The following MKS1 variants were observed in gnomAD, a reference collection of about 807,000 sequenced individuals.
MKS1 encodes MKS transition zone complex subunit 1.
A neutral mutation model predicts 83.7 loss-of-function variants in MKS1; 70 were observed. The ratio of observed to expected loss-of-function variants is 0.84; its 90% CI spans 0.69 to 1.02. The LOEUF (loss-of-function observed/expected upper bound fraction) is 1.02. Ranked by LOEUF, MKS1 falls within the 50% of genes least tolerant of loss-of-function variation. MKS1 has a pLI of 0.00. For synonymous variants in MKS1, 251 were observed against 273.4 expected, an observed-to-expected ratio of 0.92 and a Z score of 0.81; for missense variants, 681 against 726.9, an observed-to-expected ratio of 0.94 and a Z score of 0.73.
At chr17:58,206,816 CT>C in intron 15 of MKS1, 1 of 626,552 alleles carries the variant, frequency 1.6e-6, no homozygotes, top group Non-Finnish European at 2.8e-6. Flanking sequence ...TTACTGAGGC[CT>C]TCAGTGATGG....
rs765242131 is a variant in MKS1 at position 58,210,729 on chromosome 17, G to A, written c.959-5C>T. ...ACTCATAGCCTTGGGCTGAAACTAC[G>A]AGAGAAAACAGGAAGCTATTTTAGC... On this transcript the variant is annotated splice_region_variant and splice_polypyrimidine_tract_variant and intron_variant, in intron 10 of 17. Coordinates refer to ENST00000393119, the MANE Select transcript of MKS1 (RefSeq NM_017777.4). 12 of 1,613,872 alleles carry A rather than the reference G, an allele frequency of 7.4e-6. No homozygotes were observed. The highest frequency in any genetic ancestry group is 1.1e-5 in the South Asian group (1 of 91,080).
Position 58,219,168 on chromosome 17 carries a change from C to T in MKS1, c.63G>A (p.Val21=). 2 of 1,551,290 alleles carry T rather than the reference C, an allele frequency of 1.3e-6. No homozygotes were observed. The highest frequency in any genetic ancestry group is 1.7e-6 in the Non-Finnish European group (2 of 1,147,016). ...GCGACTACCGGAGGCGCAAGTTGCG[C>T]ACGGGGTCCCGGGAGCGATACACTG... is the stretch of plus-strand genomic sequence containing the variant. ...GEAVYRSRDP[V]RNLRLRVHLQ... Residue 21 remains valine (V), a synonymous_variant, in exon 1 of 18, where the codon GTG becomes GTA. Transcript: ENST00000393119.
At position 58,206,280 on chromosome 17, in the gene MKS1, T is replaced by C. The variant is rs540747512; in HGVS notation, c.1588+3A>G. 36 of 1,614,022 alleles carry C rather than the reference T, an allele frequency of 2.2e-5. No homozygotes were observed. Among genetic ancestry groups the C allele is most frequent in the Non-Finnish European group, 3.0e-5 (35 of 1,179,982 alleles). On this transcript the variant is annotated splice_donor_region_variant and intron_variant, in intron 17 of 17. Coordinates refer to ENST00000393119, the MANE Select transcript of MKS1 (RefSeq NM_017777.4). ...GGGTGGCCAGCTGGGGGAGGGGACA[T>C]ACCTAGCACATTGTGAATGGAACTC...
chr17:58,218,029 A>G (rs1466335192), intron 2 of MKS1, among the ~76,000 whole-genome samples: 1 of 152,240 alleles, frequency 6.6e-6, no homozygotes, highest in Non-Finnish European at 1.5e-5. Context: ...GGAAAACCAC[A>G]AGAACACAGT....
chr17:58,206,685 C>T, intron 15 of MKS1, 138 bp from the exon 16 acceptor site: 2 of 872,178 alleles, frequency 2.3e-6, no homozygotes. Context: ...ATCACCCAGA[C>T]TCTATTACCT....
At position 58,205,496 on chromosome 17, in the gene MKS1, C is replaced by T. The variant is rs1256820089; in HGVS notation, c.*583G>A. On this transcript the variant is annotated 3_prime_UTR_variant, in exon 18 of 18. Coordinates refer to ENST00000393119, the MANE Select transcript of MKS1 (RefSeq NM_017777.4). ...ACAAAAAAACAAACAAACAAAAAAA[C>T]ACAGTAAAAGATACCACCCAGCTAG... 2.4e-6 allele frequency: 3 copies of T among 1,256,664 alleles called. No individual in the cohort carries two copies. Among genetic ancestry groups the T allele is most frequent in the Non-Finnish European group, 3.1e-6 (3 of 971,014 alleles). 77.8% of individuals were successfully genotyped at this position (1,256,664 alleles called of 1,614,324 possible).
In MKS1 at chr17:58,205,505, A is replaced by G; in HGVS notation, c.*574T>C. 1 of 1,276,134 alleles carries G rather than the reference A, an allele frequency of 7.8e-7. No homozygotes were observed. The allele number at this position is 1,276,134 out of a possible 1,614,324, so 79.1% of individuals were successfully genotyped here. On this transcript the variant is annotated 3_prime_UTR_variant, in exon 18 of 18. Coordinates refer to ENST00000393119, the MANE Select transcript of MKS1 (RefSeq NM_017777.4). ...CAAACAAACAAAAAAACACAGTAAA[A>G]GATACCACCCAGCTAGCAGAAAGGA...
intron 15 of MKS1, 91 bp downstream of exon 15, chr17:58,206,994 C>T (rs1968551675): frequency 6.4e-7 from 1 of 1,568,958 alleles, no homozygotes; most frequent in East Asian, 2.2e-5. Flanking sequence ...AAGCAATGCA[C>T]AACTAAGGGG....
At chr17:58,218,477 A>AGC in intron 2 of MKS1, 143 bp downstream of exon 2, 1 of 424,798 alleles carries the variant, frequency 2.4e-6, no homozygotes, top group Middle Eastern at 7.3e-4. Context: ...AAAAAAAAAA[A>AGC]AAAGCCACAA....
intron 7 of MKS1, 109 bp from the exon 8 acceptor site, chr17:58,213,199 T>C (rs1968988529): frequency 3.0e-6 from 3 of 1,005,432 alleles, no homozygotes; most frequent in African/African-American, 1.6e-5. Context: ...CTCACTAAAG[T>C]ATATGATGAT....
intron 8 of MKS1, 25 bp downstream of exon 8, chr17:58,212,957 A>G (rs982274478): frequency 1.9e-6 from 3 of 1,607,132 alleles, no homozygotes; most frequent in African/African-American, 1.3e-5. Context: ...CATCCCTTGG[A>G]TACTTGGAAT....
chr17:58,207,364 C>T, intron 14 of MKS1, 146 bp from the exon 15 acceptor site: 1 of 1,087,968 alleles, frequency 9.2e-7, no homozygotes, highest in Non-Finnish European at 1.3e-6. Context: ...ATCATGGTTA[C>T]CCATAGCACC....
At chr17:58,211,105 G>C (rs1025575798) in intron 9 of MKS1, 83 bp from the exon 10 acceptor site, 86 of 1,432,648 alleles carry the variant, frequency 6.0e-5, no homozygotes, top group Non-Finnish European at 8.3e-5. Context: ...CAAATCTGCA[G>C]ACGACCTGCC....
chr17:58,212,420 G>C lies in MKS1; in HGVS notation c.873C>G (p.His291Gln), dbSNP rs1968929550. ...CTACGAGGCTGCTGAGATACTCCTT[G>C]TGCCGGCCATAAAGCTGAGGAAACA... ...RRVFKDLYGR[H>Q]KEYLSSLVGT... Residue 291 changes from histidine (H) to glutamine (Q), a missense_variant, in exon 9 of 18, where the codon CAC (histidine) becomes CAG (glutamine). Physicochemically the swap from His to Gln is conservative, Grantham distance 24. Transcript: ENST00000393119. 6.2e-7 allele frequency: 1 copy of C among 1,614,034 alleles called. No individual in the cohort carries two copies. The highest frequency in any genetic ancestry group is 1.3e-5 in the African/African-American group (1 of 74,924).
In MKS1 at chr17:58,206,312, C is replaced by T. The variant is rs1423720161; in HGVS notation, c.1559G>A (p.Ser520Asn). The T allele has an allele frequency of 5.0e-6, 8 of 1,614,144 alleles. No individual in the cohort carries two copies. Among genetic ancestry groups the T allele is most frequent in the Non-Finnish European group, 6.8e-6 (8 of 1,180,028 alleles). Residue 520 changes from serine to asparagine, a missense_variant, in exon 17 of 18, where the codon AGC becomes AAC. Ser to Asn is a conservative substitution (Grantham distance 46). Around this residue, in one of 3 missense-constraint regions of MKS1, gnomAD observed 310 missense variants for 321.7 expected, o/e 0.96. Coordinates refer to ENST00000393119, the MANE Select transcript of MKS1 (RefSeq NM_017777.4). ...CACATTGTGAATGGAACTCTGCTGGCTGAACCCTTCCAGACGGTCCAACAC... is the reference window on the plus strand; with the variant it reads ...CACATTGTGAATGGAACTCTGCTGGTTGAACCCTTCCAGACGGTCCAACAC... ...RSVLDRLEGF[S>N]QQSSIHNVLE...
intron 7 of MKS1, among the ~76,000 whole-genome samples, 196 bp from the exon 8 acceptor site, chr17:58,213,286 G>C (rs1403181843): frequency 6.6e-6 from 1 of 152,212 alleles, no homozygotes. Context: ...GACTCAGAAA[G>C]TATAGGTTCT....
At chr17:58,207,697 C>G (rs1006803255) in intron 14 of MKS1, 197 bp downstream of exon 14, 1 of 658,042 alleles carries the variant, frequency 1.5e-6, no homozygotes, top group Admixed American at 2.1e-5. Context: ...GAGAGACTGT[C>G]AGGAAGTCAG....
In MKS1 at chr17:58,205,518, C is replaced by T. The variant is rs1026928160; in HGVS notation, c.*561G>A. The T allele has an allele frequency of 9.3e-6, 12 of 1,290,008 alleles. No homozygotes were observed. In the Admixed American group the frequency reaches 3.0e-4, roughly 32 times the overall value. 79.9% of individuals were successfully genotyped at this position (1,290,008 alleles called of 1,614,324 possible). On this transcript the variant is annotated 3_prime_UTR_variant, in exon 18 of 18. Coordinates refer to ENST00000393119, the MANE Select transcript of MKS1 (RefSeq NM_017777.4). ...AAACACAGTAAAAGATACCACCCAG[C>T]TAGCAGAAAGGACTCAGCACTGCCT...
chr17:58,205,885 G>A lies in MKS1; in HGVS notation c.*194C>T. The A allele has an allele frequency of 6.9e-7, 1 of 1,444,220 alleles. No homozygotes were observed. Among genetic ancestry groups the A allele is most frequent in the Non-Finnish European group, 9.1e-7 (1 of 1,097,638 alleles). 89.5% of individuals were successfully genotyped at this position (1,444,220 alleles called of 1,614,324 possible). On this transcript the variant is annotated 3_prime_UTR_variant, in exon 18 of 18. Coordinates refer to ENST00000393119, the MANE Select transcript of MKS1 (RefSeq NM_017777.4). The stretch of plus-strand genomic sequence containing the variant: ...ATAAAGGGGGGGCCACAGGGTCTCT[G>A]GCTTTATTTCCACAGGGTAGGGAGA...
Sources: allele counts gnomAD v4.1 joint callset (sites outside exome capture counted in the v4.1 genomes callset), GRCh38; gene constraint gnomAD v4.1.1; regional missense constraint gnomAD v4.1.1; transcripts MANE v1.5; gene names NCBI Gene and HGNC (gene_info 2026-07-23, HGNC 2026-07-21).